UBE3A: variants seen among roughly 807,000 people sequenced by gnomAD.
UBE3A encodes ubiquitin protein ligase E3A.
In UBE3A, 6 loss-of-function variants were observed where a neutral mutation model predicts 83.4. The observed-to-expected ratio is 0.07, with a 90% CI of 0.04 to 0.14. The LOEUF (loss-of-function observed/expected upper bound fraction) is 0.14, where lower values mean the gene tolerates loss of function less well. Among genes scored for constraint, UBE3A ranks in the 10% least tolerant of loss-of-function variants. The pLI is 1.00. For missense variants in UBE3A, 456 were observed against 1,036.1 expected, an observed-to-expected ratio of 0.44 and a Z score of 7.69; for synonymous variants, 337 against 355.4, an observed-to-expected ratio of 0.95 and a Z score of 0.58.
chr15:25,392,737 A>T (rs938147172), intron 4 of UBE3A, among the ~76,000 whole-genome samples: 6 of 152,164 alleles, frequency 3.9e-5, no homozygotes, highest in African/African-American at 1.4e-4. Context: ...GAAAATGAGT[A>T]AAAGCACAGG....
chr15:25,368,088 T>C (rs1257365076), intron 6 of UBE3A, among the ~76,000 whole-genome samples: 2 of 152,100 alleles, frequency 1.3e-5, no homozygotes, highest in South Asian at 2.1e-4. Context: ...TAGCAAGTCA[T>C]AAAAAAGTGG....
Position 25,408,693 on chromosome 15 carries a change from G to A in UBE3A, c.20+395C>T, listed in dbSNP as rs1414948431. The A allele has an allele frequency of 6.9e-6, 11 of 1,593,608 alleles. No homozygotes were observed. The African/African-American group carries it at 1.3e-4, about 20-fold the overall frequency. Reference sequence around the variant, plus strand: ...ACCTCCACTGTAACTCTCTAGGAGAGAAAAGTATACTAGTTTTATTAATGT... The same window carrying A: ...ACCTCCACTGTAACTCTCTAGGAGAAAAAAGTATACTAGTTTTATTAATGT... On this transcript the variant is annotated intron_variant, in intron 3 of 12. Transcript: ENST00000648336.
At chr15:25,427,475 A>G (rs149167912) in intron 1 of UBE3A, among the ~76,000 whole-genome samples, 70 of 152,132 alleles carry the variant, frequency 4.6e-4, no homozygotes, top group African/African-American at 1.4e-3. Context: ...CTATCAAAGC[A>G]AAATTTTAAA....
chr15:25,378,270 G>A (rs1042067011), intron 4 of UBE3A, among the ~76,000 whole-genome samples: 6 of 152,154 alleles, frequency 3.9e-5, no homozygotes, highest in African/African-American at 1.4e-4. Flanking sequence ...TAGGAGGAGA[G>A]TGATCAGCAC....
intron 4 of UBE3A, among the ~76,000 whole-genome samples, chr15:25,393,097 T>C (rs1410623419): frequency 2.0e-4 from 30 of 152,014 alleles, no homozygotes; most frequent in Admixed American, 2.0e-3. Context: ...TTTCAATAAC[T>C]GAAACCAAAG....
intron 3 of UBE3A, chr15:25,408,570 A>G: frequency 6.2e-7 from 1 of 1,612,108 alleles, no homozygotes; most frequent in Non-Finnish European, 8.5e-7. Context: ...CAAAACACCC[A>G]CTAATCTGAA....
chr15:25,431,904 T>C (rs574302972), intron 1 of UBE3A, among the ~76,000 whole-genome samples: 18 of 152,200 alleles, frequency 1.2e-4, no homozygotes, highest in East Asian at 7.7e-4. Context: ...AGAGGCACAA[T>C]AGAATTCTTA....
chr15:25,363,089 T>C (rs997512068), intron 6 of UBE3A, among the ~76,000 whole-genome samples: 1 of 152,182 alleles, frequency 6.6e-6, no homozygotes, highest in Non-Finnish European at 1.5e-5. Context: ...AAATGATAAC[T>C]GAAGCAAATT....
intron 11 of UBE3A, among the ~76,000 whole-genome samples, chr15:25,348,474 G>A (rs2152583340): frequency 6.6e-6 from 1 of 152,156 alleles, no homozygotes; most frequent in South Asian, 2.1e-4. Context: ...TTCTACCAAA[G>A]GTTCTAGCCA....
At chr15:25,394,654 T>G (rs1405793761) in intron 4 of UBE3A, among the ~76,000 whole-genome samples, 1 of 152,202 alleles carries the variant, frequency 6.6e-6, no homozygotes, top group Non-Finnish European at 1.5e-5. Flanking sequence ...CACAGTCACT[T>G]GCTACATGGT....
At chr15:25,390,644 T>C (rs1029412886) in intron 4 of UBE3A, among the ~76,000 whole-genome samples, 18 of 152,056 alleles carry the variant, frequency 1.2e-4, no homozygotes, top group African/African-American at 3.9e-4. Flanking sequence ...GAAAGATAAA[T>C]AGGCAGAACA....
At chr15:25,429,387 T>C (rs555703057) in intron 1 of UBE3A, among the ~76,000 whole-genome samples, 22 of 152,286 alleles carry the variant, frequency 1.4e-4, no homozygotes, top group Non-Finnish European at 2.9e-4. Flanking sequence ...GCTATGTCAT[T>C]TTCTGGATGT....
chr15:25,414,551 C>T (rs1399922381), intron 1 of UBE3A, among the ~76,000 whole-genome samples: 1 of 152,106 alleles, frequency 6.6e-6, no homozygotes, highest in Non-Finnish European at 1.5e-5. Flanking sequence ...AAAAGGAAAA[C>T]CATTCTTTAT....
At chr15:25,389,970 A>G (rs1334764454) in intron 4 of UBE3A, among the ~76,000 whole-genome samples, 1 of 152,182 alleles carries the variant, frequency 6.6e-6, no homozygotes, top group Non-Finnish European at 1.5e-5. Flanking sequence ...AAACAACCCA[A>G]TTAAAAAATT....
chr15:25,372,938 G>A (rs2080537977), intron 5 of UBE3A, among the ~76,000 whole-genome samples: 1 of 152,078 alleles, frequency 6.6e-6, no homozygotes, highest in Non-Finnish European at 1.5e-5. Context: ...TAAAATGTAA[G>A]TGATCATTGA....
intron 1 of UBE3A, among the ~76,000 whole-genome samples, chr15:25,415,383 C>T (rs1234660197): frequency 6.6e-6 from 1 of 152,200 alleles, no homozygotes; most frequent in Non-Finnish European, 1.5e-5. Flanking sequence ...CCCAGCACTA[C>T]TGCCCACTAT....
In UBE3A at chr15:25,371,927, G is replaced by A. The variant is rs116216054; in HGVS notation, c.362-115C>T. ...ACATTCTAGGCTCAATATCATTTAT[G>A]ATATACAACTCTTAAAGTATCTAAT... is the stretch of plus-strand genomic sequence containing the variant. On this transcript the variant is annotated intron_variant, in intron 5 of 12. Transcript: ENST00000648336. This position sits in a 1 kb window ranked among gnomAD's most constrained non-coding sequence, Gnocchi z 5.3. The A allele has an allele frequency of 2.8e-3, 2,901 of 1,026,964 alleles. 27 individuals are homozygous for A. Among genetic ancestry groups the A allele is most frequent in the African/African-American group, 0.028 (1,691 of 61,306 alleles). The allele number at this position is 1,026,964 out of a possible 1,614,324, so 63.6% of individuals were successfully genotyped here.
At chr15:25,342,808 C>G (rs1442093834) in intron 11 of UBE3A, among the ~76,000 whole-genome samples, 1 of 152,096 alleles carries the variant, frequency 6.6e-6, no homozygotes, top group Non-Finnish European at 1.5e-5. Context: ...GACCCCACCC[C>G]CTCCACCACC....
chr15:25,412,929 G>C (rs1217429973), intron 1 of UBE3A: 5 of 406,930 alleles, frequency 1.2e-5, no homozygotes, highest in Non-Finnish European at 2.4e-5. Context: ...CATGAAGTAG[G>C]GGTAAATGAA....
Sources: gnomAD v4.1 joint callset for allele counts (sites outside exome capture counted in the v4.1 genomes callset) on GRCh38, gnomAD v4.1.1 for gene constraint, Gnocchi (gnomAD v3.1) non-coding constraint, MANE v1.5 for transcripts, NCBI Gene and HGNC (gene_info 2026-07-23, HGNC 2026-07-21) for gene names.